The following WDR19 variants were observed in gnomAD, a reference collection of about 807,000 sequenced individuals.
WDR19 encodes WD repeat-containing protein 19.
In WDR19, 121 loss-of-function variants were observed where a neutral mutation model predicts 180.0. That is an observed-to-expected ratio of 0.67 (90% CI 0.58 to 0.78). The LOEUF is 0.78. WDR19 is among the 30% of genes least tolerant of loss of function. WDR19 has a pLI of 0.00. For synonymous variants in WDR19, 497 were observed against 540.7 expected (o/e 0.92, Z 1.12); for missense variants, 1,450 against 1,640.7 (o/e 0.88, Z 2.01).
chr4:39,225,356 T>G (rs1730144962), intron 15 of WDR19, among the ~76,000 whole-genome samples: 1 of 152,196 alleles, frequency 6.6e-6, no homozygotes, highest in African/African-American at 2.4e-5. Context: ...TACATGACTT[T>G]TCTCTCCCAA....
In WDR19 at chr4:39,199,999, A is replaced by C. The variant is rs1432450659; in HGVS notation, c.522+406A>C. Among the ~76,000 whole-genome samples, 86 of 152,310 alleles carry C rather than the reference A, an allele frequency of 5.6e-4. 1 individual carries two copies. The highest frequency in any genetic ancestry group is 1.0e-4 in the Non-Finnish European group (7 of 68,014). ...TAACTGATAAATTGCTTCTAAACTA[A>C]TCCTAATGGAATTTAATTTTAAGAT... On this transcript the variant is annotated intron_variant, in intron 6 of 36. Transcript: ENST00000399820.
intron 5 of WDR19, among the ~76,000 whole-genome samples, chr4:39,195,396 A>C (rs570167911): frequency 0.011 from 1,630 of 144,964 alleles, 55 homozygotes; most frequent in African/African-American, 0.042. Flanking sequence ...ACAAACAAAC[A>C]AAAAAAAACA....
chr4:39,185,933 T>A (rs1725483615), intron 2 of WDR19, 116 bp downstream of exon 2: 3 of 883,112 alleles, frequency 3.4e-6, no homozygotes, highest in Non-Finnish European at 5.0e-6. Flanking sequence ...TCTAGCTTTG[T>A]TGCCCAGGAT....
intron 30 of WDR19, among the ~76,000 whole-genome samples, chr4:39,268,931 G>T (rs963338894): frequency 2.0e-5 from 3 of 152,232 alleles, no homozygotes; most frequent in African/African-American, 7.2e-5. Context: ...GAAGGTTGGG[G>T]TAGGGAGAGT....
At chr4:39,245,345 G>A in intron 23 of WDR19, 24 bp from the exon 24 acceptor site, 2 of 1,602,306 alleles carry the variant, frequency 1.2e-6, no homozygotes, top group Non-Finnish European at 1.7e-6. Context: ...TACTCATACT[G>A]TTCTCCTGGA....
chr4:39,222,642 T>A (rs1729816434), intron 14 of WDR19, among the ~76,000 whole-genome samples: 1 of 152,214 alleles, frequency 6.6e-6, no homozygotes, highest in Admixed American at 6.5e-5. Context: ...CACCATTTTT[T>A]GAAAAGATTA....
At chr4:39,264,379 A>G (rs1401049911) in intron 28 of WDR19, among the ~76,000 whole-genome samples, 1 of 152,218 alleles carries the variant, frequency 6.6e-6, no homozygotes, top group Non-Finnish European at 1.5e-5. Context: ...GCAAGAGCAG[A>G]GGTGACACAG....
intron 24 of WDR19, among the ~76,000 whole-genome samples, chr4:39,247,755 C>T (rs886308483): frequency 1.3e-5 from 2 of 151,802 alleles, no homozygotes; most frequent in Non-Finnish European, 2.9e-5. Flanking sequence ...AGGGTATCAG[C>T]GATGGAAGAC....
chr4:39,246,828 G>C (rs1419426765), intron 24 of WDR19, among the ~76,000 whole-genome samples: 1 of 152,234 alleles, frequency 6.6e-6, no homozygotes, highest in African/African-American at 2.4e-5. Context: ...CATTGCTGAG[G>C]CTTGAGTAGG....
At position 39,252,016 on chromosome 4, in the gene WDR19, G is replaced by C. The variant is rs185405447; in HGVS notation, c.2730-1130G>C. Among the ~76,000 whole-genome samples the C allele has an allele frequency of 1.9e-3, 282 of 151,976 alleles. 2 individuals are homozygous for C. Among genetic ancestry groups the C allele is most frequent in the African/African-American group, 6.3e-3 (262 of 41,408 alleles). ...AGCCATCCCATTACTAGGTATATAC[G>C]CAAAGGATTATAAATCATGCTGCTA... On this transcript the variant is annotated intron_variant, in intron 24 of 36. Coordinates refer to ENST00000399820, the MANE Select transcript of WDR19 (RefSeq NM_025132.4).
chr4:39,244,471 A>C lies in WDR19; in HGVS notation c.2564A>C (p.Gln855Pro). Residue 855 changes from glutamine to proline, a missense_variant and splice_region_variant, in exon 23 of 37, where the codon CAA becomes CCA. Transcript: ENST00000399820. ...TTTAATAATCCTGTCTTATTTTAGC[A>C]ATTTTCAGAAGCGGCCCAACTGTAT... ...DCGAILENMKQFSEAAQLYEK... is the reference protein window; with the variant it reads ...DCGAILENMKPFSEAAQLYEK... 1 of 1,613,974 alleles carries C rather than the reference A, an allele frequency of 6.2e-7. No individual in the cohort carries two copies. Among genetic ancestry groups the C allele is most frequent in the Admixed American group, 1.7e-5 (1 of 60,014 alleles).
chr4:39,258,256 G>A (rs573375218), intron 28 of WDR19, among the ~76,000 whole-genome samples: 11 of 152,130 alleles, frequency 7.2e-5, no homozygotes, highest in African/African-American at 1.9e-4. Context: ...AGTTTCAAGC[G>A]ATTCTTCTGT....
chr4:39,217,491 T>TA (rs1729182850), intron 13 of WDR19, among the ~76,000 whole-genome samples: 1 of 152,120 alleles, frequency 6.6e-6, no homozygotes, highest in African/African-American at 2.4e-5. Flanking sequence ...ACAGTAATAA[T>TA]AATAATAATT....
At chr4:39,241,409 G>T (rs1229089978) in intron 21 of WDR19, among the ~76,000 whole-genome samples, 1 of 149,860 alleles carries the variant, frequency 6.7e-6, no homozygotes, top group East Asian at 2.0e-4. Context: ...GGGGAGAATC[G>T]CTTGAACCCA....
In WDR19 at chr4:39,244,520, A is replaced by C; in HGVS notation, c.2613A>C (p.Lys871Asn). The change falls in exon 23 of 37, where the codon AAA becomes AAC. Residue 871 changes from lysine to asparagine, a missense_variant. Physicochemically the swap from Lys to Asn is moderately conservative, Grantham distance 94. Coordinates refer to ENST00000399820, the MANE Select transcript of WDR19 (RefSeq NM_025132.4). The stretch of plus-strand genomic sequence containing the variant: ...ATGAAAAAGGTCTCTACTACGATAA[A>C]GCAGCATCTGTTTACATCCGCTCTA... The part of the protein sequence containing the change: ...QLYEKGLYYD[K>N]AASVYIRSKN... The C allele has an allele frequency of 6.2e-7, 1 of 1,614,050 alleles. No individual in the cohort carries two copies. The highest frequency in any genetic ancestry group is 8.5e-7 in the Non-Finnish European group (1 of 1,179,894).
At chr4:39,252,177 C>T (rs895819665) in intron 24 of WDR19, among the ~76,000 whole-genome samples, 1 of 151,572 alleles carries the variant, frequency 6.6e-6, no homozygotes, top group African/African-American at 2.4e-5. Context: ...ACTATGCAGC[C>T]ATAAAAAATG....
At chr4:39,268,257 A>G (rs767136886) in intron 30 of WDR19, among the ~76,000 whole-genome samples, 166 bp downstream of exon 30, 40 of 152,154 alleles carry the variant, frequency 2.6e-4, no homozygotes, top group Non-Finnish European at 2.5e-4. Flanking sequence ...GGGTTAAACA[A>G]TGTACTATCC....
chr4:39,209,518 G>A (rs980830172), intron 9 of WDR19, among the ~76,000 whole-genome samples: 4 of 151,842 alleles, frequency 2.6e-5, no homozygotes, highest in African/African-American at 9.7e-5. Flanking sequence ...TTAAATATCA[G>A]CCTGACCAAC....
chr4:39,281,232 T>TAGAGAGAGAGAGAGAGAGAG (rs542816951), intron 36 of WDR19, among the ~76,000 whole-genome samples: 43 of 100,904 alleles, frequency 4.3e-4, no homozygotes, highest in East Asian at 1.6e-3. Context: ...TATATATATA[T>TAGAGAGAGAGAGAGAGAGAG]ATATAGAGAG....
Sources: allele counts gnomAD v4.1 joint callset (sites outside exome capture counted in the v4.1 genomes callset), GRCh38; gene constraint gnomAD v4.1.1; transcripts MANE v1.5; gene names NCBI Gene and HGNC (gene_info 2026-07-23, HGNC 2026-07-21).